The following MICAL2 variants were observed in gnomAD, a reference collection of about 807,000 sequenced individuals.
MICAL2 encodes the protein microtubule associated monooxygenase, calponin and LIM domain containing 2.
In MICAL2, 77 loss-of-function variants were observed where a neutral mutation model predicts 127.3. The ratio of observed to expected loss-of-function variants is 0.60; its 90% CI spans 0.50 to 0.73. The LOEUF (loss-of-function observed/expected upper bound fraction) is 0.73. Among genes scored for constraint, MICAL2 ranks in the 30% least tolerant of loss-of-function variants. The probability of loss-of-function intolerance (pLI) is 0.00; values close to 1 mark genes in which losing one functional copy is unlikely to be tolerated. For synonymous variants in MICAL2, 570 were observed against 551.1 expected, an observed-to-expected ratio of 1.03 and a Z score of -0.48; for missense variants, 1,351 against 1,434.4, an observed-to-expected ratio of 0.94 and a Z score of 0.94.
intron 22 of MICAL2, among the ~76,000 whole-genome samples, chr11:12,249,490 C>T (rs1861242836): frequency 6.6e-6 from 1 of 152,226 alleles, no homozygotes; most frequent in Non-Finnish European, 1.5e-5. Context: ...CAGTTCTTTG[C>T]CTGCCCTCCT....
chr11:12,200,135 A>G (rs1360433064), intron 3 of MICAL2, among the ~76,000 whole-genome samples: 1 of 152,206 alleles, frequency 6.6e-6, no homozygotes, highest in African/African-American at 2.4e-5. Flanking sequence ...ACACAGAAAT[A>G]CAGAGGACAG....
chr11:12,120,900 C>T (rs1564985050), intron 1 of MICAL2, among the ~76,000 whole-genome samples: 1 of 152,182 alleles, frequency 6.6e-6, no homozygotes. Flanking sequence ...GTGCACACTG[C>T]CAGACAGCTG....
intron 29 of MICAL2, among the ~76,000 whole-genome samples, chr11:12,314,547 C>T (rs889859842): frequency 1.3e-5 from 2 of 151,794 alleles, no homozygotes; most frequent in East Asian, 1.9e-4. Context: ...GGCGCGATCT[C>T]GGCTCACTGA....
intron 1 of MICAL2, among the ~76,000 whole-genome samples, chr11:12,126,157 A>G (rs1193932752): frequency 2.0e-5 from 3 of 152,262 alleles, no homozygotes; most frequent in East Asian, 1.9e-4. Context: ...TAGGACCATT[A>G]CAGTAAACTG....
Position 12,242,156 on chromosome 11 carries a change from T to C in MICAL2, c.2338-58T>C, listed in dbSNP as rs1860057078. 4.3e-6 allele frequency: 6 copies of C among 1,402,174 alleles called. No homozygotes were observed. In the Admixed American group the frequency reaches 6.5e-5, roughly 15 times the overall value. The allele number at this position is 1,402,174 out of a possible 1,614,324, so 86.9% of individuals were successfully genotyped here. A position where few individuals can be genotyped will look rare whatever the true frequency, so the allele number is the denominator to read the frequency against. ...GGTCTTCATGGGGGATCCCTCATGGTGAGGGTGTATGAAAGGGCCGCAGTA... is the reference window on the plus strand; with the variant it reads ...GGTCTTCATGGGGGATCCCTCATGGCGAGGGTGTATGAAAGGGCCGCAGTA... On this transcript the variant is annotated intron_variant, in intron 18 of 27. Coordinates refer to ENST00000683283, the MANE Select transcript of MICAL2 (RefSeq NM_001282663.2).
intron 2 of MICAL2, among the ~76,000 whole-genome samples, chr11:12,143,553 G>A (rs1045349950): frequency 1.3e-5 from 2 of 152,176 alleles, no homozygotes; most frequent in African/African-American, 2.4e-5. Context: ...TCTGCATTTT[G>A]TGTCTCACAC....
intron 29 of MICAL2, among the ~76,000 whole-genome samples, chr11:12,318,380 C>A (rs1461141470): frequency 6.6e-6 from 1 of 152,206 alleles, no homozygotes; most frequent in Non-Finnish European, 1.5e-5. Flanking sequence ...CTCTCTGATT[C>A]TATCTTTACC....
intron 15 of MICAL2, 140 bp downstream of exon 15, chr11:12,227,271 G>A (rs926732016): frequency 3.5e-5 from 22 of 627,396 alleles, no homozygotes; most frequent in Non-Finnish European, 4.2e-5. Context: ...AGTAAAACTC[G>A]GATTAGTGAC....
chr11:12,331,530 C>A (rs1402282451), intron 32 of MICAL2, among the ~76,000 whole-genome samples: 1 of 152,094 alleles, frequency 6.6e-6, no homozygotes, highest in Non-Finnish European at 1.5e-5. Flanking sequence ...CTCTCCAGGA[C>A]CGGGGAGGTA....
intron 27 of MICAL2, chr11:12,263,194 A>T (rs3812749): frequency 0.21 from 32,436 of 152,186 alleles, 3,684 homozygotes; most frequent in Admixed American, 0.34. Context: ...ATAAAGCCCC[A>T]GATGATGCCA....
chr11:12,254,862 A>AT (rs1212534665), intron 22 of MICAL2: 2 of 124,558 alleles, frequency 1.6e-5, no homozygotes, highest in Admixed American at 7.8e-5. Flanking sequence ...TTTTCCTCGA[A>AT]TTTTTTTATT....
intron 32 of MICAL2, among the ~76,000 whole-genome samples, chr11:12,333,818 A>C (rs1045526611): frequency 6.6e-6 from 1 of 152,158 alleles, no homozygotes; most frequent in African/African-American, 2.4e-5. Context: ...CTAGCAAAAA[A>C]CATGTACTAT....
At chr11:12,265,308 A>G (rs1863577746), downstream of MICAL2, among the ~76,000 whole-genome samples, 1 of 152,224 alleles carries the variant, frequency 6.6e-6, no homozygotes, top group African/African-American at 2.4e-5. Context: ...ATTGCATTCT[A>G]CATACATAGT....
chr11:12,134,992 C>G (rs976105110), intron 1 of MICAL2, among the ~76,000 whole-genome samples: 10 of 152,230 alleles, frequency 6.6e-5, no homozygotes, highest in African/African-American at 2.2e-4. Flanking sequence ...CAGCTCCCAG[C>G]TGACCCCACA....
chr11:12,262,131 G>A, intron 26 of MICAL2: 2 of 1,164,918 alleles, frequency 1.7e-6, no homozygotes, highest in Non-Finnish European at 2.1e-6. Flanking sequence ...CTGGTGGGCA[G>A]CACCGACACC....
At chr11:12,345,020 G>A (rs1482533473) in intron 32 of MICAL2, among the ~76,000 whole-genome samples, 1 of 151,788 alleles carries the variant, frequency 6.6e-6, no homozygotes, top group East Asian at 2.0e-4. Flanking sequence ...GCTGAGGCAG[G>A]AGAATGGTGT....
intron 32 of MICAL2, among the ~76,000 whole-genome samples, chr11:12,331,045 GC>G (rs1313405944): frequency 6.6e-6 from 1 of 152,032 alleles, no homozygotes; most frequent in Non-Finnish European, 1.5e-5. Flanking sequence ...ATTCCTGGGG[GC>G]CCTACCACCT....
intron 2 of MICAL2, among the ~76,000 whole-genome samples, chr11:12,148,004 G>A (rs1289700801): frequency 6.6e-6 from 1 of 152,152 alleles, no homozygotes; most frequent in East Asian, 1.9e-4. Flanking sequence ...AAGGGATGGG[G>A]TGGTGGAGGG....
chr11:12,357,695 A>C (rs1939149310), intron 34 of MICAL2, among the ~76,000 whole-genome samples: 1 of 152,056 alleles, frequency 6.6e-6, no homozygotes, highest in Non-Finnish European at 1.5e-5. Flanking sequence ...AAAATTGGCC[A>C]GGCGTGGTGG....
Sources: gnomAD v4.1 joint callset for allele counts (sites outside exome capture counted in the v4.1 genomes callset) on GRCh38, gnomAD v4.1.1 for gene constraint, MANE v1.5 for transcripts, NCBI Gene and HGNC (gene_info 2026-07-23, HGNC 2026-07-21) for gene names.